CENPE: variants seen among roughly 807,000 people sequenced by gnomAD.
The protein encoded by CENPE is centromere-associated protein E.
Under a neutral mutation model 336.1 loss-of-function variants are expected in CENPE, and 145 were observed. The observed-to-expected ratio is 0.43, with a 90% CI of 0.38 to 0.50. The LOEUF (loss-of-function observed/expected upper bound fraction) is 0.50, where lower values mean the gene tolerates loss of function less well. Ranked by LOEUF, CENPE falls within the 20% of genes least tolerant of loss-of-function variation. The probability of loss-of-function intolerance (pLI) is 0.00; values close to 1 mark genes in which losing one functional copy is unlikely to be tolerated. For synonymous variants in CENPE, 1,013 were observed against 984.8 expected, an observed-to-expected ratio of 1.03 and a Z score of -0.54; for missense variants, 2,719 against 3,023.3, an observed-to-expected ratio of 0.90 and a Z score of 2.36.
At chr4:103,185,767 T>C (rs780778543) in intron 9 of CENPE, 43 bp downstream of exon 9, 2 of 1,418,328 alleles carry the variant, frequency 1.4e-6, no homozygotes, top group Non-Finnish European at 1.9e-6. Flanking sequence ...ACCTGTAAAA[T>C]AGGAAGACAT....
At chr4:103,192,573 A>G (rs1282297624) in intron 8 of CENPE, among the ~76,000 whole-genome samples, 1 of 152,190 alleles carries the variant, frequency 6.6e-6, no homozygotes, top group African/African-American at 2.4e-5. Flanking sequence ...ACCCATGGAA[A>G]TGTTTAAAGG....
At chr4:103,177,120 T>C (rs1024435782) in intron 13 of CENPE, 74 bp from the exon 14 acceptor site, 5 of 1,257,302 alleles carry the variant, frequency 4.0e-6, no homozygotes, top group Admixed American at 5.2e-5. Flanking sequence ...AACTAGTTTC[T>C]ATTTTTGAAA....
chr4:103,197,667 T>C (rs111940879), intron 1 of CENPE, among the ~76,000 whole-genome samples: 49 of 152,328 alleles, frequency 3.2e-4, no homozygotes, highest in African/African-American at 1.1e-3. Context: ...CTTCCTGCTT[T>C]TTCTCCCTAG....
In CENPE at chr4:103,140,253, T is replaced by C. The variant is rs1463535173; in HGVS notation, c.5913+3A>G. 2.5e-6 allele frequency: 4 copies of C among 1,587,012 alleles called. No individual in the cohort carries two copies. Among genetic ancestry groups the C allele is most frequent in the African/African-American group, 1.4e-5 (1 of 73,398 alleles). On this transcript the variant is annotated splice_donor_region_variant and intron_variant, in intron 37 of 48. Coordinates refer to ENST00000265148, the MANE Select transcript of CENPE (RefSeq NM_001813.3). ...TCCAAAAGAAGAACAAAACAACACA[T>C]ACCTTTTTCTGTAATTCATCTTTTG...
intron 46 of CENPE, among the ~76,000 whole-genome samples, chr4:103,113,080 G>A (rs1235311269): frequency 8.8e-6 from 1 of 113,700 alleles, no homozygotes; most frequent in African/African-American, 3.3e-5. Context: ...ATACTTATAA[G>A]TATATAAGTG....
intron 42 of CENPE, among the ~76,000 whole-genome samples, chr4:103,125,636 G>A (rs943850132): frequency 1.3e-5 from 2 of 151,978 alleles, no homozygotes; most frequent in African/African-American, 2.4e-5. Context: ...AGTCCGAGGC[G>A]GGCAGATCAT....
At chr4:103,165,343 C>A (rs1303345848) in intron 16 of CENPE, among the ~76,000 whole-genome samples, 1 of 152,126 alleles carries the variant, frequency 6.6e-6, no homozygotes, top group African/African-American at 2.4e-5. Flanking sequence ...AGATTTTTCT[C>A]ATTCCTCGAG....
intron 42 of CENPE, among the ~76,000 whole-genome samples, chr4:103,130,113 A>G (rs746733827): frequency 1.9e-4 from 29 of 152,348 alleles, no homozygotes; most frequent in Admixed American, 9.8e-4. Context: ...CAAGGCAAGG[A>G]TGTCCCCTCT....
intron 16 of CENPE, among the ~76,000 whole-genome samples, chr4:103,171,542 A>C (rs1475014328): frequency 6.6e-6 from 1 of 151,978 alleles, no homozygotes; most frequent in Non-Finnish European, 1.5e-5. Flanking sequence ...TATAGTAATA[A>C]ACATCTACAT....
At chr4:103,164,404 T>C (rs1471694186) in intron 16 of CENPE, among the ~76,000 whole-genome samples, 1 of 152,090 alleles carries the variant, frequency 6.6e-6, no homozygotes, top group Non-Finnish European at 1.5e-5. Context: ...AATAGTATCT[T>C]ATTTAAATAT....
chr4:103,139,672 A>T, intron 38 of CENPE, 117 bp downstream of exon 38: 3 of 892,254 alleles, frequency 3.4e-6, no homozygotes, highest in South Asian at 2.4e-5. Flanking sequence ...ACCATTTCCC[A>T]CTGTCCTTTA....
At chr4:103,163,278 G>A (rs1754611824) in intron 17 of CENPE, 22 bp from the exon 18 acceptor site, 2 of 1,589,746 alleles carry the variant, frequency 1.3e-6, no homozygotes, top group East Asian at 4.5e-5. Context: ...AAAGGAGAGA[G>A]TAACAATTTA....
In CENPE at chr4:103,110,898, G is replaced by A. The variant is rs368384686; in HGVS notation, c.7654C>T (p.Leu2552=). The A allele has an allele frequency of 5.2e-5, 84 of 1,609,082 alleles. No homozygotes were observed. Among genetic ancestry groups the A allele is most frequent in the Non-Finnish European group, 6.4e-5 (75 of 1,177,618 alleles). Residue 2552 remains leucine (L), a synonymous_variant, in exon 47 of 49, where the codon CTA becomes TTA. Transcript: ENST00000265148. ...TTTAACTTAGAAATTTCTTTTTCTA[G>A]CCTTATATGTTCACTTTTCAAAATA... The part of the protein sequence containing the change: ...ALILKSEHIR[L]EKEISKLKQQ...
Position 103,120,351 on chromosome 4 carries a change from C to T in CENPE, c.7144-18G>A. 1 of 1,589,092 alleles carries T rather than the reference C, an allele frequency of 6.3e-7. No homozygotes were observed. Among genetic ancestry groups the T allele is most frequent in the East Asian group, 2.2e-5 (1 of 44,520 alleles). ...CGAATTTTCTATTAGAAAAAGCACA[C>T]ATTCATAAGCTCTATCATCAAGACA... On this transcript the variant is annotated intron_variant, in intron 43 of 48. Coordinates refer to ENST00000265148, the MANE Select transcript of CENPE (RefSeq NM_001813.3).
Position 103,158,906 on chromosome 4 carries a change from A to T in CENPE, c.2602-20T>A, listed in dbSNP as rs1560642450. 3.8e-6 allele frequency: 6 copies of T among 1,585,782 alleles called. No individual in the cohort carries two copies. The highest frequency in any genetic ancestry group is 5.1e-6 in the Non-Finnish European group (6 of 1,171,448). ...AGAAAGCTTTAAAAAAGAAAAAGTA[A>T]ATGTCACACAGTAAAAGCAGAGCAG... On this transcript the variant is annotated intron_variant, in intron 22 of 48. Coordinates refer to ENST00000265148, the MANE Select transcript of CENPE (RefSeq NM_001813.3).
chr4:103,189,950 G>C (rs1757149889), intron 8 of CENPE, among the ~76,000 whole-genome samples: 6 of 152,110 alleles, frequency 3.9e-5, no homozygotes, highest in Admixed American at 3.9e-4. Flanking sequence ...AAAGTCTCAG[G>C]ATACAAAATC....
intron 43 of CENPE, among the ~76,000 whole-genome samples, chr4:103,121,523 C>G (rs1413481311): frequency 6.6e-6 from 1 of 151,028 alleles, no homozygotes; most frequent in African/African-American, 2.4e-5. Context: ...AAATAATGCA[C>G]TAAGCAAACC....
chr4:103,132,754 C>T lies in CENPE; in HGVS notation c.6863G>A (p.Gly2288Asp). 6.4e-7 allele frequency: 1 copy of T among 1,573,828 alleles called. No individual in the cohort carries two copies. The highest frequency in any genetic ancestry group is 8.7e-7 in the Non-Finnish European group (1 of 1,150,130). ...AATCCTATCATTTTCTTTCTGGATG[C>T]CATTTTTAAGCTTTTCTATATCAAA... ...TRFDIEKLKN[G>D]IQKENDRICQ... The change falls in exon 42 of 49, where the codon GGC becomes GAC. Residue 2288 changes from glycine (G) to aspartate (D), a missense_variant. Around this residue, in one of 5 missense-constraint regions of CENPE, gnomAD observed 2,437 missense variants for 2,513.3 expected, o/e 0.97. Coordinates refer to ENST00000265148, the MANE Select transcript of CENPE (RefSeq NM_001813.3).
chr4:103,121,854 C>A (rs12506065), intron 43 of CENPE, among the ~76,000 whole-genome samples: 22,278 of 152,118 alleles, frequency 0.15, 1,945 homozygotes, highest in South Asian at 0.3. Flanking sequence ...CACACCTGGC[C>A]AAGTAAACCA....
Sources: allele counts gnomAD v4.1 joint callset (sites outside exome capture counted in the v4.1 genomes callset), GRCh38; gene constraint gnomAD v4.1.1; regional missense constraint gnomAD v4.1.1; transcripts MANE v1.5; gene names NCBI Gene and HGNC (gene_info 2026-07-23, HGNC 2026-07-21).